Variants in ERC2 observed in about 807,000 individuals in gnomAD.
The protein encoded by ERC2 is ERC protein 2.
ERC2 carries 42 observed loss-of-function variants against 114.8 expected under a neutral mutation model. The observed-to-expected ratio is 0.37, with a 90% confidence interval of 0.29 to 0.47. The LOEUF (loss-of-function observed/expected upper bound fraction) is 0.47. ERC2 is among the 20% of genes least tolerant of loss of function. ERC2 has a pLI of 0.99. For synonymous variants in ERC2, 454 were observed against 425.5 expected, an observed-to-expected ratio of 1.07 and a Z score of -0.82; for missense variants, 939 against 1,150.7, an observed-to-expected ratio of 0.82 and a Z score of 2.66.
At position 55,509,036 on chromosome 3, in the gene ERC2, CAG is replaced by C. The variant is rs2051925139; in HGVS notation, c.*2278_*2279del. On this transcript the variant is annotated 3_prime_UTR_variant, in exon 18 of 18. Coordinates refer to ENST00000288221, the MANE Select transcript of ERC2 (RefSeq NM_015576.3). ...GATATTTTTGGTAACCCCCAAACAT[CAG>C]AGAATATTACACGAAATGGGAAAGG... is the stretch of plus-strand genomic sequence containing the variant. 1 of 152,572 alleles carries C rather than the reference CAG, an allele frequency of 6.6e-6. No individual in the cohort carries two copies. Among genetic ancestry groups the C allele is most frequent in the African/African-American group, 2.4e-5 (1 of 41,426 alleles). 9.5% of individuals were successfully genotyped at this position (152,572 alleles called of 1,614,324 possible).
chr3:55,656,714 A>G (rs180890599), intron 17 of ERC2, among the ~76,000 whole-genome samples: 38 of 152,362 alleles, frequency 2.5e-4, no homozygotes, highest in Non-Finnish European at 5.1e-4. Flanking sequence ...AGGAAGTCAC[A>G]GGGGAAACCA....
At chr3:56,324,326 C>A (rs2057259705) in intron 2 of ERC2, among the ~76,000 whole-genome samples, 1 of 152,134 alleles carries the variant, frequency 6.6e-6, no homozygotes, top group Non-Finnish European at 1.5e-5. Flanking sequence ...GTCTCAGGGC[C>A]CAACAGGCCA....
chr3:56,139,808 T>C (rs760207381), intron 5 of ERC2, 132 bp from the exon 6 acceptor site: 58 of 988,280 alleles, frequency 5.9e-5, no homozygotes, highest in Non-Finnish European at 8.3e-5. Context: ...ACGAATTTGC[T>C]TAAAAAAGAT....
intron 15 of ERC2, among the ~76,000 whole-genome samples, chr3:55,719,050 A>G (rs1339279687): frequency 6.6e-6 from 1 of 152,212 alleles, no homozygotes; most frequent in Non-Finnish European, 1.5e-5. Flanking sequence ...CAGTCCCCAA[A>G]GACAATCTGA....
chr3:56,166,325 T>G (rs1282450318), intron 4 of ERC2, among the ~76,000 whole-genome samples: 1 of 152,068 alleles, frequency 6.6e-6, no homozygotes, highest in Non-Finnish European at 1.5e-5. Context: ...TTGCTTGTAA[T>G]TTTCCTTTTT....
chr3:56,114,491 G>A (rs1290579943), intron 6 of ERC2, among the ~76,000 whole-genome samples: 3 of 152,104 alleles, frequency 2.0e-5, no homozygotes, highest in African/African-American at 4.8e-5. Flanking sequence ...TCATGTCATG[G>A]CCAGGAACTC....
chr3:56,421,596 C>T (rs530721348), intron 2 of ERC2, among the ~76,000 whole-genome samples: 3 of 152,254 alleles, frequency 2.0e-5, no homozygotes, highest in Admixed American at 6.5e-5. Context: ...TCCTTGAGTG[C>T]CGCTTTTTCA....
At chr3:55,808,923 TCCAGAA>T (rs2059608373) in intron 14 of ERC2, among the ~76,000 whole-genome samples, 2 of 151,362 alleles carry the variant, frequency 1.3e-5, no homozygotes, top group South Asian at 4.2e-4. Flanking sequence ...TAATAAAACC[TCCAGAA>T]TATTGATTTA....
intron 13 of ERC2, among the ~76,000 whole-genome samples, chr3:55,903,420 T>C (rs1275088464): frequency 6.6e-6 from 1 of 152,238 alleles, no homozygotes; most frequent in Non-Finnish European, 1.5e-5. Flanking sequence ...ATGCCAAATG[T>C]TCACTCAAGG....
intron 2 of ERC2, among the ~76,000 whole-genome samples, chr3:56,369,185 G>C (rs1313105197): frequency 2.0e-5 from 3 of 152,072 alleles, no homozygotes; most frequent in Admixed American, 1.3e-4. Context: ...ACTCATAATG[G>C]AACTTTTTCT....
chr3:55,765,665 C>A (rs568765462), intron 14 of ERC2, among the ~76,000 whole-genome samples: 1 of 152,238 alleles, frequency 6.6e-6, no homozygotes, highest in South Asian at 2.1e-4. Flanking sequence ...GTTGAGGGAG[C>A]AGCTGTTACT....
chr3:56,194,302 A>G (rs973000844), intron 3 of ERC2, among the ~76,000 whole-genome samples: 1 of 152,162 alleles, frequency 6.6e-6, no homozygotes, highest in Non-Finnish European at 1.5e-5. Context: ...TGGAAAAAAA[A>G]GGTATTTGCA....
At chr3:56,311,278 T>TAC (rs2056556939) in intron 2 of ERC2, among the ~76,000 whole-genome samples, 4 of 136,588 alleles carry the variant, frequency 2.9e-5, no homozygotes, top group African/African-American at 1.1e-4. Flanking sequence ...TATATATATA[T>TAC]ATATATATAT....
chr3:56,360,239 T>C (rs548076461), intron 2 of ERC2, among the ~76,000 whole-genome samples: 1 of 151,862 alleles, frequency 6.6e-6, no homozygotes, highest in South Asian at 2.1e-4. Context: ...TTAGTAGAGA[T>C]GGGGTTTCAC....
At chr3:55,549,477 C>CA (rs2054994717) in intron 17 of ERC2, among the ~76,000 whole-genome samples, 1 of 123,190 alleles carries the variant, frequency 8.1e-6, no homozygotes, top group Non-Finnish European at 1.6e-5. Context: ...GCCGCCTTAC[C>CA]TTTTTTTTTT....
At chr3:55,644,220 G>A (rs557914801) in intron 17 of ERC2, among the ~76,000 whole-genome samples, 7 of 152,012 alleles carry the variant, frequency 4.6e-5, no homozygotes, top group South Asian at 2.1e-4. Context: ...AATAATAGTC[G>A]CACTCTCTTC....
intron 14 of ERC2, among the ~76,000 whole-genome samples, chr3:55,742,104 A>G (rs545036404): frequency 1.0e-3 from 156 of 152,230 alleles, no homozygotes; most frequent in African/African-American, 3.7e-3. Context: ...TGAAAAAAAA[A>G]AAAACAAAAC....
At chr3:56,416,719 C>T (rs1000608655) in intron 2 of ERC2, among the ~76,000 whole-genome samples, 1 of 151,502 alleles carries the variant, frequency 6.6e-6, no homozygotes. Flanking sequence ...CTGTTTTACC[C>T]TTGGTCTTCC....
intron 17 of ERC2, among the ~76,000 whole-genome samples, chr3:55,588,309 C>A (rs2057698882): frequency 6.6e-6 from 1 of 152,270 alleles, no homozygotes; most frequent in East Asian, 1.9e-4. Context: ...AGGGCCTCCC[C>A]ACTGTCAATC....
Sources: gnomAD v4.1 joint callset for allele counts (sites outside exome capture counted in the v4.1 genomes callset) on GRCh38, gnomAD v4.1.1 for gene constraint, MANE v1.5 for transcripts, NCBI Gene and HGNC (gene_info 2026-07-23, HGNC 2026-07-21) for gene names.